Variants in NCALD observed in about 807,000 individuals in gnomAD.
NCALD encodes neurocalcin delta.
A neutral mutation model predicts 18.6 loss-of-function variants in NCALD; 10 were observed. The ratio of observed to expected loss-of-function variants is 0.54; its 90% confidence interval spans 0.33 to 0.91. NCALD has a LOEUF of 0.91. Ranked by LOEUF, NCALD falls within the 40% of genes least tolerant of loss-of-function variation. NCALD has a pLI of 0.03. For synonymous variants in NCALD, 88 were observed against 87.4 expected (o/e 1.01, Z -0.04); for missense variants, 184 against 247.6 (o/e 0.74, Z 1.72).
At chr8:102,103,045 A>G (rs72681125) in intron 1 of NCALD, among the ~76,000 whole-genome samples, 18,589 of 152,208 alleles carry the variant, frequency 0.12, 1,201 homozygotes, top group Middle Eastern at 0.18. Context: ...GGGTGGATCC[A>G]GATATGCTTC....
In NCALD at chr8:101,686,970, G is replaced by C. The variant is rs189480414; in HGVS notation, c.*2339C>G. On this transcript the variant is annotated 3_prime_UTR_variant, in exon 4 of 4. Coordinates refer to ENST00000220931, the MANE Select transcript of NCALD (RefSeq NM_032041.3). Reference sequence around the variant, plus strand: ...ACAAAGACCTTCCTGGGAAGGAGAAGGAGAAAAACAACCTCCGAGAAAATA... The same window carrying C: ...ACAAAGACCTTCCTGGGAAGGAGAACGAGAAAAACAACCTCCGAGAAAATA... 25 of 152,592 alleles carry C rather than the reference G, an allele frequency of 1.6e-4. No homozygotes were observed. The highest frequency in any genetic ancestry group is 5.3e-4 in the African/African-American group (22 of 41,548). 9.5% of individuals were successfully genotyped at this position (152,592 alleles called of 1,614,324 possible).
intron 2 of NCALD, among the ~76,000 whole-genome samples, chr8:101,920,871 T>C (rs1563897870): frequency 6.6e-6 from 1 of 152,084 alleles, no homozygotes; most frequent in Non-Finnish European, 1.5e-5. Context: ...ACCCACTGAA[T>C]CTAAAATAAA....
intron 4 of NCALD, among the ~76,000 whole-genome samples, chr8:101,884,771 A>T (rs964183199): frequency 6.6e-6 from 1 of 152,124 alleles, no homozygotes; most frequent in Non-Finnish European, 1.5e-5. Context: ...GATGGAAAAT[A>T]GTTGGCAGGG....
In NCALD at chr8:101,720,875, T is replaced by C. The variant is rs550625787; in HGVS notation, c.-19-1227A>G. ...TGTTTCTGGTTCTGTGGATGCAGAA[T>C]AAGATGTGGCCCCTTTTCCCTAAGG... On this transcript the variant is annotated intron_variant, in intron 1 of 3. Transcript: ENST00000220931. 2.0e-5 allele frequency among the ~76,000 whole-genome samples: 3 copies of C among 152,354 alleles called. No homozygotes were observed. The East Asian group carries it at 5.8e-4, about 29-fold the overall frequency.
At chr8:101,728,093 G>A (rs373578666) in intron 1 of NCALD, among the ~76,000 whole-genome samples, 2 of 152,004 alleles carry the variant, frequency 1.3e-5, no homozygotes, top group African/African-American at 4.8e-5. Flanking sequence ...TCACCAACAA[G>A]GAACTACTAT....
chr8:101,930,636 T>C (rs904300100), intron 2 of NCALD, among the ~76,000 whole-genome samples: 1 of 151,830 alleles, frequency 6.6e-6, no homozygotes, highest in Non-Finnish European at 1.5e-5. Flanking sequence ...AGAGCTCACA[T>C]CTCCTGTTCC....
chr8:101,724,372 G>C (rs926948856), intron 1 of NCALD, among the ~76,000 whole-genome samples: 1 of 152,182 alleles, frequency 6.6e-6, no homozygotes, highest in Non-Finnish European at 1.5e-5. Context: ...ACTATGACAC[G>C]TTGGCCTCCT....
intron 2 of NCALD, among the ~76,000 whole-genome samples, chr8:101,985,334 T>C (rs1820769076): frequency 2.0e-5 from 3 of 152,156 alleles, no homozygotes; most frequent in Non-Finnish European, 4.4e-5. Context: ...AGAACAGACC[T>C]GAGCCCTCCC....
chr8:101,970,362 G>A (rs1277968094), intron 2 of NCALD, among the ~76,000 whole-genome samples: 3 of 151,968 alleles, frequency 2.0e-5, no homozygotes, highest in African/African-American at 7.3e-5. Flanking sequence ...TTATTGCATT[G>A]TAATAGTGCT....
intron 2 of NCALD, among the ~76,000 whole-genome samples, chr8:101,923,589 A>T (rs1259427616): frequency 2.8e-4 from 43 of 152,248 alleles, no homozygotes. Flanking sequence ...GAAAAAACAA[A>T]TAAATGTAGC....
chr8:101,793,012 A>C (rs1200020134), upstream of NCALD, among the ~76,000 whole-genome samples: 3 of 152,200 alleles, frequency 2.0e-5, no homozygotes, highest in East Asian at 5.8e-4. Context: ...AGTATACTTT[A>C]TACTGCCTTG....
chr8:101,692,207 T>C, intron 3 of NCALD: 1 of 985,452 alleles, frequency 1.0e-6, no homozygotes. Flanking sequence ...TTTCACTTCG[T>C]TGGGTTTGAA....
chr8:101,709,419 T>C (rs1199260641), intron 2 of NCALD, among the ~76,000 whole-genome samples: 2 of 152,256 alleles, frequency 1.3e-5, no homozygotes, highest in Admixed American at 1.3e-4. Flanking sequence ...CCTATCATTT[T>C]CATTGAGTTG....
At chr8:101,820,312 G>T (rs769025666) in intron 4 of NCALD, among the ~76,000 whole-genome samples, 5 of 152,094 alleles carry the variant, frequency 3.3e-5, no homozygotes, top group Non-Finnish European at 7.4e-5. Context: ...TCACAGCATT[G>T]AACAGTACCT....
At chr8:101,755,090 TGA>T (rs1279291783) in intron 1 of NCALD, among the ~76,000 whole-genome samples, 2 of 152,230 alleles carry the variant, frequency 1.3e-5, no homozygotes, top group African/African-American at 4.8e-5. Context: ...TCTTTGTGTG[TGA>T]GTCTCATCTC....
intron 1 of NCALD, among the ~76,000 whole-genome samples, chr8:101,759,245 AG>A (rs1417350739): frequency 6.6e-6 from 1 of 152,232 alleles, no homozygotes; most frequent in Non-Finnish European, 1.5e-5. Flanking sequence ...TGATTTATAT[AG>A]TACTTCCAAG....
intron 2 of NCALD, among the ~76,000 whole-genome samples, chr8:101,709,148 C>G (rs78994936): frequency 7.2e-5 from 11 of 152,326 alleles, no homozygotes; most frequent in East Asian, 5.8e-4. Flanking sequence ...ACAGAATTTT[C>G]GAGAGTTTAA....
At chr8:102,061,863 T>C (rs1823861608) in intron 1 of NCALD, among the ~76,000 whole-genome samples, 1 of 152,318 alleles carries the variant, frequency 6.6e-6, no homozygotes, top group Non-Finnish European at 1.5e-5. Flanking sequence ...CAAAACTTTG[T>C]ATAAAGCAAA....
chr8:101,820,192 C>CT (rs1480355564), intron 4 of NCALD, among the ~76,000 whole-genome samples: 4 of 152,152 alleles, frequency 2.6e-5, no homozygotes, highest in Admixed American at 2.6e-4. Flanking sequence ...ATTTTGTATA[C>CT]TTATATAATC....
Sources: allele counts gnomAD v4.1 joint callset (sites outside exome capture counted in the v4.1 genomes callset), GRCh38; gene constraint gnomAD v4.1.1; transcripts MANE v1.5; gene names NCBI Gene and HGNC (gene_info 2026-07-23, HGNC 2026-07-21).